The following RNF8 variants were observed in gnomAD, a reference collection of about 807,000 sequenced individuals.
The protein encoded by RNF8 is ring finger protein 8, also known as E3 ubiquitin-protein ligase RNF8.
A neutral mutation model predicts 59.3 loss-of-function variants in RNF8; 8 were observed. The observed-to-expected ratio is 0.13, with a 90% CI of 0.08 to 0.24. The LOEUF (loss-of-function observed/expected upper bound fraction) is 0.24, where lower values mean the gene tolerates loss of function less well. Ranked by LOEUF, RNF8 falls within the 10% of genes least tolerant of loss-of-function variation. The probability of loss-of-function intolerance (pLI) is 1.00; values close to 1 mark genes in which losing one functional copy is unlikely to be tolerated. For synonymous variants in RNF8, 162 were observed against 200.0 expected (o/e 0.81, Z 1.60); for missense variants, 406 against 572.6 (o/e 0.71, Z 2.97).
chr6:37,379,585 C>T (rs1052963211), intron 6 of RNF8, among the ~76,000 whole-genome samples: 6 of 152,162 alleles, frequency 3.9e-5, no homozygotes, highest in African/African-American at 7.2e-5. Flanking sequence ...AGAGGGATTA[C>T]TCAGAGGAGC....
rs905381630 is a variant in RNF8 at position 37,392,890 on chromosome 6, G to A, written c.*2132G>A. On this transcript the variant is annotated 3_prime_UTR_variant, in exon 8 of 8. Transcript: ENST00000373479. ...GCTGGTCTTGAAATTCTGGGCTAAAGCAATCCTACCACCTTGGCCTCCCAA... is the reference window on the plus strand; with the variant it reads ...GCTGGTCTTGAAATTCTGGGCTAAAACAATCCTACCACCTTGGCCTCCCAA... The A allele has an allele frequency of 1.2e-5, 4 of 330,036 alleles. No individual in the cohort carries two copies. The highest frequency in any genetic ancestry group is 2.2e-5 in the Non-Finnish European group (4 of 185,760). The allele number at this position is 330,036 out of a possible 1,614,324, so 20.4% of individuals were successfully genotyped here.
Position 37,392,706 on chromosome 6 carries a change from C to G in RNF8, c.*1948C>G. 2.5e-6 allele frequency: 1 copy of G among 398,498 alleles called. No individual in the cohort carries two copies. Among genetic ancestry groups the G allele is most frequent in the African/African-American group, 2.1e-5 (1 of 48,722 alleles). 24.7% of individuals were successfully genotyped at this position (398,498 alleles called of 1,614,324 possible). On this transcript the variant is annotated 3_prime_UTR_variant, in exon 8 of 8. Transcript: ENST00000373479. ...CACCATCATTTACTTTTCTGGCTTACTTTTGATAGAAATCTAGGTTGGTTC... is the reference window on the plus strand; with the variant it reads ...CACCATCATTTACTTTTCTGGCTTAGTTTTGATAGAAATCTAGGTTGGTTC...
In RNF8 at chr6:37,391,493, C is replaced by A. The variant is rs1297278725; in HGVS notation, c.*735C>A. The A allele has an allele frequency of 6.6e-6, 1 of 152,234 alleles. No homozygotes were observed. 9.4% of individuals were successfully genotyped at this position (152,234 alleles called of 1,614,324 possible). A position where few individuals can be genotyped will look rare whatever the true frequency, so the allele number is the denominator to read the frequency against. On this transcript the variant is annotated 3_prime_UTR_variant, in exon 8 of 8. Coordinates refer to ENST00000373479, the MANE Select transcript of RNF8 (RefSeq NM_003958.4). ...TACCTTGTTTCAGGGGTGGGAGAAA[C>A]TCCTTTCCTTCAGCTGGCATTTGAA... is the stretch of plus-strand genomic sequence containing the variant.
chr6:37,379,530 G>A (rs544395574), intron 6 of RNF8, among the ~76,000 whole-genome samples: 8 of 152,236 alleles, frequency 5.3e-5, no homozygotes, highest in African/African-American at 1.9e-4. Context: ...CAAAGAAAAA[G>A]GTTTGTATTC....
intron 2 of RNF8, chr6:37,361,536 G>A (rs1769325260): frequency 2.8e-6 from 1 of 351,292 alleles, no homozygotes; most frequent in East Asian, 7.9e-5. Flanking sequence ...ACCGAGGAAT[G>A]TGATGAAAAT....
rs1770704026 is a variant in RNF8 at position 37,390,826 on chromosome 6, T to C, written c.*68T>C. The C allele has an allele frequency of 6.2e-7, 1 of 1,614,016 alleles. No homozygotes were observed. The highest frequency in any genetic ancestry group is 1.1e-5 in the South Asian group (1 of 91,074). ...GAGCCTGAGATGGTCTGGAGGATTC[T>C]CTCTAGCCGTGACTCCGCTGCTCTG... On this transcript the variant is annotated 3_prime_UTR_variant, in exon 8 of 8. Coordinates refer to ENST00000373479, the MANE Select transcript of RNF8 (RefSeq NM_003958.4).
chr6:37,375,925 G>A (rs1383041320), intron 5 of RNF8, among the ~76,000 whole-genome samples: 9 of 152,150 alleles, frequency 5.9e-5, no homozygotes, highest in Non-Finnish European at 1.0e-4. Context: ...GTGTCCACAC[G>A]CAGTCTGACC....
At chr6:37,374,797 A>G (rs1769940963) in intron 5 of RNF8, 88 bp downstream of exon 5, 1 of 923,628 alleles carries the variant, frequency 1.1e-6, no homozygotes, top group African/African-American at 1.7e-5. Context: ...GGGAAAATAA[A>G]GAGAGAAATT....
In RNF8 at chr6:37,368,750, C is replaced by T; in HGVS notation, c.507C>T (p.Pro169=). 1 of 1,614,134 alleles carries T rather than the reference C, an allele frequency of 6.2e-7. No homozygotes were observed. The highest frequency in any genetic ancestry group is 8.5e-7 in the Non-Finnish European group (1 of 1,180,036). Residue 169 remains proline, a synonymous_variant, in exon 3 of 8, where the codon CCC becomes CCT. Transcript: ENST00000373479. ...DELAGPGAEG[P]SNLKSKINKV... ...TAGCAGGTCCTGGAGCTGAAGGCCC[C>T]TCAAATTTGAAATCCAAAATAAATA...
At chr6:37,376,582 T>A (rs1322632507) in intron 5 of RNF8, among the ~76,000 whole-genome samples, 1 of 151,938 alleles carries the variant, frequency 6.6e-6, no homozygotes, top group East Asian at 1.9e-4. Flanking sequence ...CTAACCCCAT[T>A]TATGAGCATG....
chr6:37,381,873 T>C (rs1770279979), intron 7 of RNF8, among the ~76,000 whole-genome samples: 1 of 152,220 alleles, frequency 6.6e-6, no homozygotes, highest in Non-Finnish European at 1.5e-5. Flanking sequence ...GACGTGTGTC[T>C]GAGCCTCTTA....
intron 1 of RNF8, among the ~76,000 whole-genome samples, chr6:37,356,982 G>T (rs564455600): frequency 6.6e-6 from 1 of 152,184 alleles, no homozygotes; most frequent in Non-Finnish European, 1.5e-5. Context: ...CATGTGATCC[G>T]CCCGCCTGGG....
chr6:37,368,519 G>T lies in RNF8; in HGVS notation c.276G>T (p.Leu92=). The T allele has an allele frequency of 6.8e-6, 11 of 1,614,138 alleles. No individual in the cohort carries two copies. The highest frequency in any genetic ancestry group is 9.3e-6 in the Non-Finnish European group (11 of 1,180,014). Residue 92 remains leucine (L), a synonymous_variant, in exon 3 of 8, where the codon CTG becomes CTT. Transcript: ENST00000373479. ...GTGTTTGGCTGAACAGAGCGCGTCT[G>T]GAACCTTTAAGGGTCTATTCCATTC... ...LNGVWLNRAR[L]EPLRVYSIHQ...
intron 6 of RNF8, 28 bp downstream of exon 6, chr6:37,377,061 CTTTTTTTTTTTTTTTT>C (rs35985063): frequency 7.0e-5 from 18 of 257,992 alleles, no homozygotes; most frequent in African/African-American, 2.1e-4. Flanking sequence ...CTCACCCCTT[CTTTTTTTTTTTTTTTT>C]TTTTTTTTTT....
intron 1 of RNF8, among the ~76,000 whole-genome samples, chr6:37,354,813 G>C (rs550873070): frequency 6.2e-4 from 95 of 152,366 alleles, no homozygotes; most frequent in African/African-American, 2.3e-3. Context: ...CGAGCTGCCG[G>C]GAAGCCGAGG....
chr6:37,379,201 A>T (rs1770150493), intron 6 of RNF8, among the ~76,000 whole-genome samples: 1 of 151,978 alleles, frequency 6.6e-6, no homozygotes, highest in Admixed American at 6.6e-5. Flanking sequence ...TTTTTAGTAG[A>T]GATGGGATTT....
intron 4 of RNF8, among the ~76,000 whole-genome samples, chr6:37,373,014 G>T (rs1022870913): frequency 1.3e-5 from 2 of 152,160 alleles, no homozygotes; most frequent in African/African-American, 2.4e-5. Context: ...ATGCCTGGGG[G>T]ACATGCCACT....
intron 5 of RNF8, among the ~76,000 whole-genome samples, chr6:37,375,281 A>G (rs566962137): frequency 6.6e-5 from 10 of 152,284 alleles, no homozygotes; most frequent in African/African-American, 2.4e-4. Flanking sequence ...CTGCTCAGCC[A>G]ATTGTTGCCA....
At chr6:37,381,993 T>G (rs1770286310) in intron 7 of RNF8, among the ~76,000 whole-genome samples, 1 of 152,222 alleles carries the variant, frequency 6.6e-6, no homozygotes, top group Non-Finnish European at 1.5e-5. Flanking sequence ...TACTGGGTTT[T>G]GTGCCTAAAT....
Sources: gnomAD v4.1 joint callset for allele counts (sites outside exome capture counted in the v4.1 genomes callset) on GRCh38, gnomAD v4.1.1 for gene constraint, MANE v1.5 for transcripts, NCBI Gene and HGNC (gene_info 2026-07-23, HGNC 2026-07-21) for gene names.